The following RASGRF1 variants were observed in gnomAD, a reference collection of about 807,000 sequenced individuals.
RASGRF1 encodes Ras protein specific guanine nucleotide releasing factor 1, also known as ras-specific guanine nucleotide-releasing factor 1.
Under a neutral mutation model 138.7 loss-of-function variants are expected in RASGRF1, and 40 were observed. That is an observed-to-expected ratio of 0.29 (90% CI 0.22 to 0.38). The LOEUF is 0.38. RASGRF1 is among the 10% of genes least tolerant of loss of function. The pLI, the probability that RASGRF1 is intolerant of heterozygous loss-of-function variation, is 1.00. For missense variants in RASGRF1, 1,108 were observed against 1,650.4 expected, an observed-to-expected ratio of 0.67 and a Z score of 5.69; for synonymous variants, 614 against 663.2, an observed-to-expected ratio of 0.93 and a Z score of 1.14.
chr15:78,973,512 C>T lies in RASGRF1; in HGVS notation c.3495-92G>A, dbSNP rs1044601784. ...CATCCCGCATGCACCTTTTGCTTTG[C>T]TAGAGGCAAAGGGACTTGCAGTCAC... On this transcript the variant is annotated intron_variant, in intron 24 of 26. Coordinates refer to ENST00000558480, the MANE Select transcript of RASGRF1 (RefSeq NM_001145648.3). The surrounding 1 kb of genome is among the most constrained non-coding windows in gnomAD (Gnocchi z 4.9). 2 of 970,134 alleles carry T rather than the reference C, an allele frequency of 2.1e-6. No individual in the cohort carries two copies. The highest frequency in any genetic ancestry group is 3.2e-6 in the Non-Finnish European group (2 of 626,864). 60.1% of individuals were successfully genotyped at this position (970,134 alleles called of 1,614,324 possible).
chr15:79,057,675 G>T (rs757979976), intron 3 of RASGRF1, among the ~76,000 whole-genome samples: 16 of 152,292 alleles, frequency 1.1e-4, no homozygotes, highest in Non-Finnish European at 2.2e-4. Flanking sequence ...GGAATCACCT[G>T]GGCTGTTAAA....
chr15:78,963,246 T>C (rs79106733), intron 26 of RASGRF1, among the ~76,000 whole-genome samples: 2 of 152,314 alleles, frequency 1.3e-5, no homozygotes, highest in East Asian at 3.9e-4. Context: ...TGTCAGTTGT[T>C]TGGAACTAAA....
chr15:79,090,238 C>T lies in RASGRF1; in HGVS notation c.261G>A (p.Glu87=), dbSNP rs767491151. 5.6e-6 allele frequency: 9 copies of T among 1,607,014 alleles called. No homozygotes were observed. In the Admixed American group the frequency reaches 1.3e-4, roughly 24 times the overall value. ...PSPKPALSAK[E]PLEKQHYFTV... The stretch of plus-strand genomic sequence containing the variant: ...CTCGCCTCACCTGTTTCTCCAGCGG[C>T]TCCTTGGCCGACAGCGCCGGCTTGG... Residue 87 remains glutamate (E), a synonymous_variant, in exon 1 of 27, where the codon GAG becomes GAA. Transcript: ENST00000558480.
Position 78,999,751 on chromosome 15 carries a change from G to T in RASGRF1, c.2738C>A (p.Ala913Asp). The T allele has an allele frequency of 6.2e-7, 1 of 1,613,704 alleles. No homozygotes were observed. The highest frequency in any genetic ancestry group is 8.5e-7 in the Non-Finnish European group (1 of 1,179,912). ...GAGAACACCCCACATACCTGCACTGGCTAAGGACATCCTCCGGTACTTCTC... is the reference window on the plus strand; with the variant it reads ...GAGAACACCCCACATACCTGCACTGTCTAAGGACATCCTCCGGTACTTCTC... ...NKEKYRRMSL[A>D]SAGFPPDQRN... Residue 913 changes from alanine (A) to aspartate (D), a missense_variant, in exon 17 of 27, where the codon GCC (alanine) becomes GAC (aspartate). By Grantham distance (126) the Ala-to-Asp change is moderately radical. Around this residue, in one of 3 missense-constraint regions of RASGRF1, gnomAD observed 686 missense variants for 976.7 expected, o/e 0.70. Transcript: ENST00000558480.
intron 23 of RASGRF1, among the ~76,000 whole-genome samples, chr15:78,982,369 C>T (rs1176278361): frequency 5.9e-5 from 9 of 152,160 alleles, no homozygotes; most frequent in South Asian, 2.1e-4. Flanking sequence ...TGTATGGATG[C>T]TCCTCTTTGG....
chr15:79,024,971 T>C (rs566332165), intron 10 of RASGRF1, among the ~76,000 whole-genome samples: 2 of 151,062 alleles, frequency 1.3e-5, no homozygotes, highest in African/African-American at 4.9e-5. Flanking sequence ...ACACCACACA[T>C]ACATACACAC....
intron 26 of RASGRF1, among the ~76,000 whole-genome samples, chr15:78,963,999 A>G (rs1032646157): frequency 6.6e-6 from 1 of 151,434 alleles, no homozygotes; most frequent in African/African-American, 2.4e-5. Context: ...TGCAGGATCA[A>G]TTTTAGTAGA....
chr15:79,080,445 G>A (rs1327011708), intron 1 of RASGRF1, among the ~76,000 whole-genome samples: 1 of 152,214 alleles, frequency 6.6e-6, no homozygotes, highest in African/African-American at 2.4e-5. Flanking sequence ...TCTTCCAAAT[G>A]ATTTCACTAA....
intron 1 of RASGRF1, among the ~76,000 whole-genome samples, chr15:79,084,232 T>C (rs2141107650): frequency 6.6e-6 from 1 of 152,364 alleles, no homozygotes; most frequent in African/African-American, 2.4e-5. Context: ...CAAATCCTAC[T>C]TCTCCTGTGC....
At chr15:79,001,203 G>T (rs11631751) in intron 16 of RASGRF1, among the ~76,000 whole-genome samples, 1 of 151,828 alleles carries the variant, frequency 6.6e-6, no homozygotes, top group East Asian at 1.9e-4. Flanking sequence ...TGATGAAAGG[G>T]GTCTGTGCAG....
At chr15:78,980,371 C>T (rs763127090) in intron 24 of RASGRF1, 2 of 367,506 alleles carry the variant, frequency 5.4e-6, no homozygotes, top group Non-Finnish European at 9.9e-6. Context: ...ATCACAGCTA[C>T]TATGCTTTCA....
chr15:79,019,068 CGT>C lies in RASGRF1; in HGVS notation c.1606+971_1606+972del, dbSNP rs147205114. ...GCTGAACAGGGTGTGTGCATGAGGG[CGT>C]GTGTGTGTGTGTGTTTGCCAAGCGT... On this transcript the variant is annotated intron_variant, in intron 11 of 26. Transcript: ENST00000558480. Among the ~76,000 whole-genome samples the C allele has an allele frequency of 1.5e-3, 229 of 151,168 alleles. 4 individuals carry two copies. In the East Asian group the frequency reaches 0.039, roughly 26 times the overall value.
At chr15:79,087,192 T>C (rs1239778572) in intron 1 of RASGRF1, among the ~76,000 whole-genome samples, 3 of 152,226 alleles carry the variant, frequency 2.0e-5, no homozygotes, top group East Asian at 1.9e-4. Flanking sequence ...TATTAGAGCA[T>C]CTTCACGGGG....
intron 13 of RASGRF1, chr15:79,012,438 G>GTCTC (rs748658278): frequency 1.6e-6 from 2 of 1,243,086 alleles, no homozygotes; most frequent in African/African-American, 1.5e-5. Flanking sequence ...ATCTCTCTAT[G>GTCTC]TCTCTCTCTC....
intron 3 of RASGRF1, among the ~76,000 whole-genome samples, chr15:79,052,176 CT>C (rs1019428565): frequency 2.0e-5 from 3 of 152,126 alleles, no homozygotes; most frequent in Admixed American, 1.3e-4. Flanking sequence ...TCTTTGCCCC[CT>C]AGAGGCAAAC....
At position 78,973,864 on chromosome 15, in the gene RASGRF1, C is replaced by A. The variant is rs959569931; in HGVS notation, c.3495-444G>T. Among the ~76,000 whole-genome samples, 5 of 152,160 alleles carry A rather than the reference C, an allele frequency of 3.3e-5. No homozygotes were observed. Among genetic ancestry groups the A allele is most frequent in the Admixed American group, 3.3e-4 (5 of 15,284 alleles). ...TGCAGCCCCAGCCCCCCAACTCCTG[C>A]CAGTCACCCTATCTGACACCCTTGT... On this transcript the variant is annotated intron_variant, in intron 24 of 26. Coordinates refer to ENST00000558480, the MANE Select transcript of RASGRF1 (RefSeq NM_001145648.3). This position sits in a 1 kb window ranked among gnomAD's most constrained non-coding sequence, Gnocchi z 4.9.
rs1172367013 is a variant in RASGRF1 at position 79,006,657 on chromosome 15, A to T, written c.1827-223T>A. Among the ~76,000 whole-genome samples the T allele has an allele frequency of 6.6e-6, 1 of 152,252 alleles. No individual in the cohort carries two copies. Among genetic ancestry groups the T allele is most frequent in the Non-Finnish European group, 1.5e-5 (1 of 68,042 alleles). On this transcript the variant is annotated intron_variant, in intron 13 of 26. Transcript: ENST00000558480. The surrounding 1 kb of genome is among the most constrained non-coding windows in gnomAD (Gnocchi z 4.0). ...AAACCCCTAGAAATACTGGAGAAGT[A>T]TTACAAATTTAAAAACATTTGTTGT...
At chr15:79,057,065 C>T (rs137992464) in intron 3 of RASGRF1, among the ~76,000 whole-genome samples, 15 of 152,346 alleles carry the variant, frequency 9.8e-5, no homozygotes, top group Non-Finnish European at 1.9e-4. Flanking sequence ...GACCCCAAGA[C>T]CTCTGCTACC....
At chr15:78,998,259 T>G in intron 18 of RASGRF1, 51 bp from the exon 19 acceptor site, 3 of 1,441,830 alleles carry the variant, frequency 2.1e-6, no homozygotes, top group Non-Finnish European at 2.9e-6. Flanking sequence ...TGAGCTGCTC[T>G]GCAGTGGTCT....
Sources: allele counts gnomAD v4.1 joint callset (sites outside exome capture counted in the v4.1 genomes callset), GRCh38; gene constraint gnomAD v4.1.1; regional missense constraint gnomAD v4.1.1; non-coding constraint Gnocchi (gnomAD v3.1); transcripts MANE v1.5; gene names NCBI Gene and HGNC (gene_info 2026-07-23, HGNC 2026-07-21).